MYO9A: variants seen among roughly 807,000 people sequenced by gnomAD.
MYO9A encodes myosin IXA, also known as unconventional myosin-IXa.
MYO9A carries 103 observed loss-of-function variants against 293.3 expected under a neutral mutation model. That is an observed-to-expected ratio of 0.35 (90% CI 0.30 to 0.41). MYO9A has a LOEUF of 0.41. Among genes scored for constraint, MYO9A ranks in the 10% least tolerant of loss-of-function variants. MYO9A has a pLI of 1.00. For synonymous variants in MYO9A, 1,001 were observed against 1,035.7 expected, an observed-to-expected ratio of 0.97 and a Z score of 0.64; for missense variants, 2,685 against 3,033.0, an observed-to-expected ratio of 0.89 and a Z score of 2.69.
intron 1 of MYO9A, among the ~76,000 whole-genome samples, chr15:72,077,900 C>T (rs1256728000): frequency 6.6e-6 from 1 of 151,482 alleles, no homozygotes; most frequent in Non-Finnish European, 1.5e-5. Flanking sequence ...AGAAGATATA[C>T]AGACAACAAA....
At chr15:71,861,677 TATAAAAAA>T (rs2056130936) in intron 33 of MYO9A, among the ~76,000 whole-genome samples, 1 of 84,462 alleles carries the variant, frequency 1.2e-5, no homozygotes, top group Non-Finnish European at 2.1e-5. Context: ...GCACTGATGA[TATAAAAAA>T]AAAAAAAAAA....
chr15:71,850,587 A>C (rs184021337), intron 37 of MYO9A, among the ~76,000 whole-genome samples: 1 of 143,724 alleles, frequency 7.0e-6, no homozygotes, highest in African/African-American at 2.6e-5. Flanking sequence ...CAACATGGCA[A>C]AACCTTGTCT....
At chr15:71,871,313 C>T (rs1449579388) in intron 32 of MYO9A, among the ~76,000 whole-genome samples, 1 of 151,966 alleles carries the variant, frequency 6.6e-6, no homozygotes, top group Non-Finnish European at 1.5e-5. Flanking sequence ...AGGTCAAGGC[C>T]GCAGTGAGAT....
chr15:72,093,014 A>T (rs1220620535), intron 1 of MYO9A, among the ~76,000 whole-genome samples: 1 of 152,148 alleles, frequency 6.6e-6, no homozygotes, highest in African/African-American at 2.4e-5. Flanking sequence ...TTTAGAAAAT[A>T]CATGTGCAAA....
intron 26 of MYO9A, chr15:71,889,556 A>G (rs1173673672): frequency 6.9e-6 from 1 of 145,160 alleles, no homozygotes; most frequent in Non-Finnish European, 1.5e-5. Context: ...CCTGGGCCCC[A>G]GTTATCCTCC....
intron 18 of MYO9A, among the ~76,000 whole-genome samples, chr15:71,926,661 C>T (rs1486236421): frequency 6.6e-6 from 1 of 152,150 alleles, no homozygotes. Flanking sequence ...GAGCCACGAT[C>T]GTACCACTGT....
intron 15 of MYO9A, among the ~76,000 whole-genome samples, chr15:71,949,716 G>A (rs973305068): frequency 6.8e-6 from 1 of 147,942 alleles, no homozygotes; most frequent in Non-Finnish European, 1.5e-5. Flanking sequence ...CACAGCAGTC[G>A]CCAGGGATAT....
Position 71,861,625 on chromosome 15 carries a change from C to T in MYO9A, c.6091+875G>A, listed in dbSNP as rs1369030264. ...TCCATCTATAGGTTTATCTAACCAA[C>T]AAATATTTATTAAAACTTACTATGT... On this transcript the variant is annotated intron_variant, in intron 33 of 41. Coordinates refer to ENST00000356056, the MANE Select transcript of MYO9A (RefSeq NM_006901.4). Among the ~76,000 whole-genome samples, 3 of 118,800 alleles carry T rather than the reference C, an allele frequency of 2.5e-5. No individual in the cohort carries two copies. The Admixed American group carries it at 2.9e-4, about 11-fold the overall frequency. 77.9% of individuals were successfully genotyped at this position (118,800 alleles called of 152,430 possible).
At chr15:71,850,234 G>A (rs1041399677) in intron 37 of MYO9A, 67 bp from the exon 38 acceptor site, 3 of 1,565,994 alleles carry the variant, frequency 1.9e-6, no homozygotes, top group African/African-American at 2.7e-5. Context: ...TAGGGAAATA[G>A]GCAGAAGAGA....
rs923325232 is a variant in MYO9A, at chr15:72,111,526, C to T, written c.-72+6154G>A. ...ATTAATAAATAAAACAGGAAATAGA[C>T]GTATTCAAGAGGGAAAAGGAAGACT... On this transcript the variant is annotated intron_variant, in intron 1 of 41. Coordinates refer to ENST00000356056, the MANE Select transcript of MYO9A (RefSeq NM_006901.4). Among the ~76,000 whole-genome samples the T allele has an allele frequency of 5.2e-4, 78 of 151,246 alleles. 2 individuals carry two copies. Among genetic ancestry groups the T allele is most frequent in the Admixed American group, 3.6e-3 (54 of 15,164 alleles).
intron 1 of MYO9A, among the ~76,000 whole-genome samples, chr15:72,110,435 CAAAAAAAAAAAAA>C (rs397854173): frequency 0.014 from 623 of 45,160 alleles, 20 homozygotes; most frequent in African/African-American, 0.045. Flanking sequence ...GACTCCATCT[CAAAAAAAAAAAAA>C]AAAAAAAAAA....
chr15:71,890,987 A>G (rs770013064), intron 26 of MYO9A: 3 of 152,230 alleles, frequency 2.0e-5, no homozygotes, highest in South Asian at 2.1e-4. Context: ...CATCTTCACA[A>G]TATCAGATAA....
intron 18 of MYO9A, among the ~76,000 whole-genome samples, chr15:71,917,721 G>C (rs2058049050): frequency 6.6e-6 from 1 of 152,070 alleles, no homozygotes; most frequent in South Asian, 2.1e-4. Flanking sequence ...TTATGGTAGT[G>C]AGTTTGTAAA....
At chr15:71,894,815 T>C (rs999418099) in intron 25 of MYO9A, among the ~76,000 whole-genome samples, 1 of 152,198 alleles carries the variant, frequency 6.6e-6, no homozygotes, top group African/African-American at 2.4e-5. Flanking sequence ...ATAACCTTCA[T>C]GGCCCCAATT....
intron 1 of MYO9A, among the ~76,000 whole-genome samples, chr15:72,066,496 AAAAG>A (rs1555417584): frequency 5.7e-4 from 87 of 151,340 alleles, no homozygotes; most frequent in Admixed American, 2.4e-3. Flanking sequence ...AAAAAAAAAA[AAAAG>A]AAAGAAAGAA....
chr15:71,834,546 T>C (rs113334528), intron 39 of MYO9A, among the ~76,000 whole-genome samples: 431 of 151,504 alleles, frequency 2.8e-3, no homozygotes, highest in Non-Finnish European at 5.5e-3. Context: ...CTGAGGCAGG[T>C]GGATCGCTTG....
At chr15:71,839,634 T>G (rs2055073588) in intron 39 of MYO9A, among the ~76,000 whole-genome samples, 1 of 152,088 alleles carries the variant, frequency 6.6e-6, no homozygotes, top group African/African-American at 2.4e-5. Flanking sequence ...GGTCTGAAAC[T>G]CCTGGCTTCA....
In MYO9A at chr15:72,109,851, G is replaced by A. The variant is rs28573725; in HGVS notation, c.-72+7829C>T. Among the ~76,000 whole-genome samples, 856 of 151,480 alleles carry A rather than the reference G, an allele frequency of 5.7e-3. 11 individuals are homozygous for A. The highest frequency in any genetic ancestry group is 0.02 in the African/African-American group (808 of 41,256). Reference sequence around the variant, plus strand: ...GTGGAGGCTGCAGTGAGCCAAGATCGCACCACTGCACTGTAGCCTGGGCGA... The same window carrying A: ...GTGGAGGCTGCAGTGAGCCAAGATCACACCACTGCACTGTAGCCTGGGCGA... On this transcript the variant is annotated intron_variant, in intron 1 of 41. Coordinates refer to ENST00000356056, the MANE Select transcript of MYO9A (RefSeq NM_006901.4).
chr15:72,023,695 C>CAAAAAAAAAAA (rs368209775), intron 4 of MYO9A, among the ~76,000 whole-genome samples: 1 of 51,300 alleles, frequency 1.9e-5, no homozygotes, highest in East Asian at 5.8e-4. Context: ...AACTCTGTCT[C>CAAAAAAAAAAA]AAAAAAAAAA....
Sources: gnomAD v4.1 joint callset for allele counts (sites outside exome capture counted in the v4.1 genomes callset) on GRCh38, gnomAD v4.1.1 for gene constraint, MANE v1.5 for transcripts, NCBI Gene and HGNC (gene_info 2026-07-23, HGNC 2026-07-21) for gene names.